CFAP161: variants seen among roughly 807,000 people sequenced by gnomAD.
CFAP161 encodes the protein cilia and flagella associated protein 161, also known as cilia- and flagella-associated protein 161.
A neutral mutation model predicts 29.0 loss-of-function variants in CFAP161; 25 were observed. The ratio of observed to expected loss-of-function variants is 0.86; its 90% CI spans 0.63 to 1.20. The LOEUF (loss-of-function observed/expected upper bound fraction) is 1.20, where lower values mean the gene tolerates loss of function less well. Ranked by LOEUF, CFAP161 falls within the 50% of genes most tolerant of loss-of-function variation. The probability of loss-of-function intolerance (pLI) is 0.00; values close to 1 mark genes in which losing one functional copy is unlikely to be tolerated. For synonymous variants in CFAP161, 116 were observed against 137.4 expected (o/e 0.84, Z 1.09); for missense variants, 367 against 371.9 (o/e 0.99, Z 0.11).
rs1399613410 is a variant in CFAP161 at position 81,146,831 on chromosome 15, A to AAC, written c.637-1026_637-1025insCA. On this transcript the variant is annotated intron_variant, in intron 5 of 6. Coordinates refer to ENST00000286732, the MANE Select transcript of CFAP161 (RefSeq NM_173528.4). ...TTTGCTCTTAAATAGGATAGCTACA[A>AAC]ATATATATATATATATATATATATA... 1.3e-4 allele frequency among the ~76,000 whole-genome samples: 9 copies of AAC among 70,592 alleles called. 1 individual carries two copies. The East Asian group carries it at 3.4e-3, about 26-fold the overall frequency. 46.3% of individuals were successfully genotyped at this position (70,592 alleles called of 152,430 possible). A position where few individuals can be genotyped will look rare whatever the true frequency, so the allele number is the denominator to read the frequency against.
intron 1 of CFAP161, among the ~76,000 whole-genome samples, chr15:81,127,033 C>T (rs1411494798): frequency 6.6e-6 from 1 of 152,110 alleles, no homozygotes; most frequent in Non-Finnish European, 1.5e-5. Flanking sequence ...TAGAATTTGC[C>T]TATCAGTTTG....
At chr15:81,140,747 T>C (rs537365113) in intron 4 of CFAP161, among the ~76,000 whole-genome samples, 82 of 151,608 alleles carry the variant, frequency 5.4e-4, no homozygotes, top group Non-Finnish European at 1.1e-3. Context: ...TTATTTATTA[T>C]TTATTTATTT....
chr15:81,101,451 C>T (rs747115783), intron 1 of CFAP161, among the ~76,000 whole-genome samples: 10 of 130,130 alleles, frequency 7.7e-5, no homozygotes, highest in Non-Finnish European at 6.2e-5. Context: ...CACTTGAACC[C>T]GGGAGGTGGA....
intron 5 of CFAP161, among the ~76,000 whole-genome samples, chr15:81,146,831 AATATATATATATATATATATAT>A (rs3086710): frequency 0.07 from 4,974 of 70,560 alleles, 326 homozygotes; most frequent in Middle Eastern, 0.11. Context: ...GATAGCTACA[AATATATATATATATATATATAT>A]ATATATATAT....
Position 81,135,377 on chromosome 15 carries a change from T to A in CFAP161, c.159+18T>A, listed in dbSNP as rs778371582. On this transcript the variant is annotated intron_variant, in intron 2 of 6. Coordinates refer to ENST00000286732, the MANE Select transcript of CFAP161 (RefSeq NM_173528.4). ...TGAGACCGGTAACTTTTTTTTTTTT[T>A]ATTACACTTTAAGTTTTAGGGTACA... 106 of 1,474,456 alleles carry A rather than the reference T, an allele frequency of 7.2e-5. No individual in the cohort carries two copies. The highest frequency in any genetic ancestry group is 1.1e-4 in the African/African-American group (8 of 70,170). 91.3% of individuals were successfully genotyped at this position (1,474,456 alleles called of 1,614,324 possible). A position where few individuals can be genotyped will look rare whatever the true frequency, so the allele number is the denominator to read the frequency against.
In CFAP161 at chr15:81,105,107, T is replaced by TCCC. The variant is rs1567149820; in HGVS notation, c.-141-22483_-141-22482insCCC. On this transcript the variant is annotated intron_variant, in intron 1 of 4. Coordinates refer to the CFAP161 transcript ENST00000560091. ...CTTTTCTTTTCCCTCCCTCCCTCCC[T>TCCC]TCCTTTCTCCCCCATACCTTTCTCC... Among the ~76,000 whole-genome samples, 35 of 36,634 alleles carry TCCC rather than the reference T, an allele frequency of 9.6e-4. 1 individual carries two copies. The highest frequency in any genetic ancestry group is 1.7e-3 in the African/African-American group (15 of 9,034). 24.0% of individuals were successfully genotyped at this position (36,634 alleles called of 152,430 possible).
intron 1 of CFAP161, among the ~76,000 whole-genome samples, chr15:81,123,095 C>T (rs927338275): frequency 6.6e-6 from 1 of 152,124 alleles, no homozygotes; most frequent in Non-Finnish European, 1.5e-5. Flanking sequence ...TTGGCATCTT[C>T]ATCATGAAAT....
In CFAP161 at chr15:81,134,318, CA is replaced by C. The variant is rs1894769717; in HGVS notation, c.-11del. ...GTCGGAGGGAGGCCCACTTGCTGAA[CA>C]GCAGGGAGCGATGGCGCAGAACGTG... On this transcript the variant is annotated 5_prime_UTR_variant, in exon 1 of 7. Coordinates refer to ENST00000286732, the MANE Select transcript of CFAP161 (RefSeq NM_173528.4). 6.3e-7 allele frequency: 1 copy of C among 1,581,192 alleles called. No homozygotes were observed. Among genetic ancestry groups the C allele is most frequent in the South Asian group, 1.2e-5 (1 of 85,982 alleles).
chr15:81,105,167 T>TCCTC (rs372730780), intron 1 of CFAP161, among the ~76,000 whole-genome samples: 4 of 32,254 alleles, frequency 1.2e-4, no homozygotes, highest in Admixed American at 2.9e-4. Flanking sequence ...CTCCCTTCCT[T>TCCTC]CCTCCCTCCC....
intron 1 of CFAP161, among the ~76,000 whole-genome samples, chr15:81,103,060 G>C (rs1363870817): frequency 1.6e-5 from 2 of 124,846 alleles, no homozygotes; most frequent in Non-Finnish European, 3.7e-5. Context: ...AGAAGACCGA[G>C]GAAGCACATG....
At chr15:81,140,555 CT>C (rs569817664) in intron 4 of CFAP161, among the ~76,000 whole-genome samples, 2 of 149,992 alleles carry the variant, frequency 1.3e-5, no homozygotes, top group African/African-American at 2.4e-5. Flanking sequence ...TTGTCTATTT[CT>C]TTTTTTTTCC....
At chr15:81,103,287 T>C (rs973687285) in intron 1 of CFAP161, among the ~76,000 whole-genome samples, 2 of 152,248 alleles carry the variant, frequency 1.3e-5, no homozygotes, top group Non-Finnish European at 2.9e-5. Context: ...AGTTACAGGC[T>C]TTTGTTATAA....
In CFAP161 at chr15:81,134,327, G is replaced by T. The variant is rs1219488841; in HGVS notation, c.-3G>T. On this transcript the variant is annotated 5_prime_UTR_variant, in exon 1 of 7. Transcript: ENST00000286732. Reference sequence around the variant, plus strand: ...AGGCCCACTTGCTGAACAGCAGGGAGCGATGGCGCAGAACGTGTATGGTCC... The same window carrying T: ...AGGCCCACTTGCTGAACAGCAGGGATCGATGGCGCAGAACGTGTATGGTCC... The T allele has an allele frequency of 6.3e-7, 1 of 1,585,434 alleles. No individual in the cohort carries two copies. The highest frequency in any genetic ancestry group is 1.2e-5 in the South Asian group (1 of 86,282).
At chr15:81,147,358 A>G (rs1895026634) in intron 5 of CFAP161, among the ~76,000 whole-genome samples, 1 of 152,096 alleles carries the variant, frequency 6.6e-6, no homozygotes, top group Non-Finnish European at 1.5e-5. Flanking sequence ...AGCATGGACC[A>G]CCGATTTTTC....
chr15:81,130,687 G>A (rs28873451), upstream of CFAP161, among the ~76,000 whole-genome samples: 21,428 of 152,154 alleles, frequency 0.14, 1,724 homozygotes, highest in African/African-American at 0.21. Flanking sequence ...GCAACAGAGC[G>A]AGACTCCATC....
At chr15:81,117,161 T>G (rs966511340) in intron 1 of CFAP161, among the ~76,000 whole-genome samples, 7 of 152,124 alleles carry the variant, frequency 4.6e-5, no homozygotes, top group Admixed American at 1.3e-4. Context: ...GATATTTTAG[T>G]CAAAATCTTG....
chr15:81,118,381 G>A (rs1396879904), intron 1 of CFAP161: 2 of 253,652 alleles, frequency 7.9e-6, no homozygotes, highest in African/African-American at 4.6e-5. Context: ...AAAACGTCGA[G>A]CACGCCAGGT....
rs757909801 is a variant in CFAP161, at chr15:81,136,520, A to C, written c.164A>C (p.Gln55Pro). ...RLKQNLLRPM[Q>P]LSVTEDGYIH... ...AAACTACTATCAAAATTGTAGATGC[A>C]ACTTTCCGTAACTGAAGATGGCTAT... The change falls in exon 3 of 7, where the codon CAA becomes CCA. Residue 55 changes from glutamine (Q) to proline (P), a missense_variant. Coordinates refer to ENST00000286732, the MANE Select transcript of CFAP161 (RefSeq NM_173528.4). 1 of 1,614,054 alleles carries C rather than the reference A, an allele frequency of 6.2e-7. No individual in the cohort carries two copies. The highest frequency in any genetic ancestry group is 1.7e-5 in the Admixed American group (1 of 60,032).
upstream of CFAP161, among the ~76,000 whole-genome samples, chr15:81,130,226 T>C (rs929754923): frequency 3.3e-5 from 5 of 152,254 alleles, no homozygotes; most frequent in Non-Finnish European, 5.9e-5. Flanking sequence ...ACTTTTTTCA[T>C]ATCAGAAACA....
Sources: gnomAD v4.1 joint callset for allele counts (sites outside exome capture counted in the v4.1 genomes callset) on GRCh38, gnomAD v4.1.1 for gene constraint, MANE v1.5 for transcripts, NCBI Gene and HGNC (gene_info 2026-07-23, HGNC 2026-07-21) for gene names.